The following STARD13 variants were observed in gnomAD, a reference collection of about 807,000 sequenced individuals.
The protein encoded by STARD13 is stAR-related lipid transfer protein 13.
Under a neutral mutation model 106.4 loss-of-function variants are expected in STARD13, and 62 were observed. That is an observed-to-expected ratio of 0.58 (90% CI 0.48 to 0.72). The LOEUF (loss-of-function observed/expected upper bound fraction) is 0.72. Ranked by LOEUF, STARD13 falls within the 30% of genes least tolerant of loss-of-function variation. The pLI is 0.00. For synonymous variants in STARD13, 565 were observed against 553.0 expected, an observed-to-expected ratio of 1.02 and a Z score of -0.31; for missense variants, 1,387 against 1,424.0, an observed-to-expected ratio of 0.97 and a Z score of 0.42.
chr13:33,308,520 C>CTTTTTTTTTTTTTTTTTTTTTTT (rs552526416), intron 1 of STARD13, among the ~76,000 whole-genome samples: 219 of 88,554 alleles, frequency 2.5e-3, no homozygotes, highest in East Asian at 3.2e-3. Context: ...CTTTTTCTTT[C>CTTTTTTTTTTTTTTTTTTTTTTT]TTTTTTTTTT....
the STARD13 span, among the ~76,000 whole-genome samples, chr13:33,530,570 T>C: frequency 1.3e-5 from 2 of 152,226 alleles, no homozygotes; most frequent in African/African-American, 2.4e-5. Context: ...AAATTGCATG[T>C]TCAATTGCAT....
chr13:33,208,255 T>G (rs1291141035), intron 1 of STARD13, among the ~76,000 whole-genome samples: 1 of 150,120 alleles, frequency 6.7e-6, no homozygotes, highest in Non-Finnish European at 1.5e-5. Context: ...GGTTGGGGAG[T>G]GGGAGTGGGA....
the STARD13 span, among the ~76,000 whole-genome samples, chr13:33,508,843 AC>A: frequency 1.3e-5 from 2 of 152,256 alleles, no homozygotes; most frequent in South Asian, 2.1e-4. Flanking sequence ...ACTTATACAA[AC>A]CTAGATGGTA....
intron 1 of STARD13, among the ~76,000 whole-genome samples, chr13:33,230,078 C>T (rs1473389159): frequency 6.6e-6 from 1 of 152,132 alleles, no homozygotes; most frequent in African/African-American, 2.4e-5. Flanking sequence ...GGCCTGGAAG[C>T]GAATTTGCAA....
intron 1 of STARD13, among the ~76,000 whole-genome samples, chr13:33,202,733 G>C (rs1225316283): frequency 2.0e-5 from 3 of 152,188 alleles, no homozygotes; most frequent in Non-Finnish European, 4.4e-5. Flanking sequence ...GCAAGTGGTA[G>C]AGAAAACATT....
the STARD13 span, among the ~76,000 whole-genome samples, chr13:33,487,272 T>C: frequency 6.6e-6 from 1 of 152,184 alleles, no homozygotes; most frequent in Non-Finnish European, 1.5e-5. Flanking sequence ...GTATTTATTA[T>C]TGTTGTTGAT....
At chr13:33,365,932 T>C in the STARD13 span, among the ~76,000 whole-genome samples, 1 of 152,138 alleles carries the variant, frequency 6.6e-6, no homozygotes, top group African/African-American at 2.4e-5. Context: ...CACCCTCATG[T>C]TTTTAAATAT....
chr13:33,445,863 C>T, the STARD13 span, among the ~76,000 whole-genome samples: 2 of 152,090 alleles, frequency 1.3e-5, no homozygotes, highest in Non-Finnish European at 2.9e-5. Flanking sequence ...GGGTTTTAAT[C>T]TATTCATGAG....
chr13:33,293,257 T>C (rs1041703458), intron 1 of STARD13, among the ~76,000 whole-genome samples: 4 of 152,218 alleles, frequency 2.6e-5, no homozygotes, highest in African/African-American at 9.6e-5. Flanking sequence ...GTGGTCTGTG[T>C]CTATTTCATT....
intron 1 of STARD13, among the ~76,000 whole-genome samples, chr13:33,171,127 C>A (rs1883907335): frequency 6.6e-6 from 1 of 152,188 alleles, no homozygotes; most frequent in Non-Finnish European, 1.5e-5. Context: ...TTATTGTTCT[C>A]TTGCTAGCCA....
the STARD13 span, among the ~76,000 whole-genome samples, chr13:33,448,919 A>G: frequency 6.6e-6 from 1 of 151,796 alleles, no homozygotes; most frequent in Admixed American, 6.6e-5. Flanking sequence ...CCTTTTGCCC[A>G]TTTTTTAATT....
At chr13:33,525,239 T>C in the STARD13 span, among the ~76,000 whole-genome samples, 1 of 152,056 alleles carries the variant, frequency 6.6e-6, no homozygotes, top group Non-Finnish European at 1.5e-5. Context: ...ACCAGGCTGG[T>C]CTTGAACTCC....
intron 1 of STARD13, among the ~76,000 whole-genome samples, chr13:33,342,886 T>C (rs2077976145): frequency 6.6e-6 from 1 of 152,262 alleles, no homozygotes; most frequent in African/African-American, 2.4e-5. Context: ...GACATATTTA[T>C]GTCCAAATAT....
the STARD13 span, among the ~76,000 whole-genome samples, chr13:33,514,680 T>C: frequency 6.6e-6 from 1 of 152,126 alleles, no homozygotes; most frequent in African/African-American, 2.4e-5. Flanking sequence ...ACCAGGCAAG[T>C]GACAGAGCAA....
the STARD13 span, among the ~76,000 whole-genome samples, chr13:33,421,288 T>G: frequency 0.16 from 23,749 of 151,920 alleles, 4,437 homozygotes; most frequent in African/African-American, 0.44. Context: ...CACAGAAATA[T>G]GAACTACCAT....
At chr13:33,660,680 C>T in the STARD13 span, among the ~76,000 whole-genome samples, 1 of 152,182 alleles carries the variant, frequency 6.6e-6, no homozygotes, top group Non-Finnish European at 1.5e-5. Context: ...AACTCCTGGG[C>T]TCAAGTCATC....
chr13:33,298,057 G>T (rs1892563803), intron 1 of STARD13, among the ~76,000 whole-genome samples: 1 of 150,632 alleles, frequency 6.6e-6, no homozygotes, highest in Admixed American at 6.6e-5. Context: ...CTGCCCTCCT[G>T]CCTGGAGCAC....
At chr13:33,295,903 C>T (rs1892472762) in intron 1 of STARD13, among the ~76,000 whole-genome samples, 1 of 151,930 alleles carries the variant, frequency 6.6e-6, no homozygotes, top group Admixed American at 6.6e-5. Context: ...ATTAATAAGA[C>T]AGATTAGTAT....
the STARD13 span, among the ~76,000 whole-genome samples, chr13:33,375,506 G>A: frequency 6.6e-6 from 1 of 152,148 alleles, no homozygotes; most frequent in African/African-American, 2.4e-5. Context: ...ATAAAGGCAA[G>A]AGGTTCAATT....
Sources: gnomAD v4.1 joint callset for allele counts (sites outside exome capture counted in the v4.1 genomes callset) on GRCh38, gnomAD v4.1.1 for gene constraint, MANE v1.5 for transcripts, NCBI Gene and HGNC (gene_info 2026-07-23, HGNC 2026-07-21) for gene names.